EYS: variants seen among roughly 807,000 people sequenced by gnomAD.
The protein encoded by EYS is protein eyes shut homolog.
In EYS, 250 loss-of-function variants were observed where a neutral mutation model predicts 282.1. That is an observed-to-expected ratio of 0.89 (90% CI 0.80 to 0.98). The LOEUF (loss-of-function observed/expected upper bound fraction) is 0.98, where lower values mean the gene tolerates loss of function less well. Ranked by LOEUF, EYS falls within the 50% of genes least tolerant of loss-of-function variation. The probability of loss-of-function intolerance (pLI) is 0.00; values close to 1 mark genes in which losing one functional copy is unlikely to be tolerated. For missense variants in EYS, 4,016 were observed against 3,709.0 expected, an observed-to-expected ratio of 1.08 and a Z score of -2.15; for synonymous variants, 1,355 against 1,282.9, an observed-to-expected ratio of 1.06 and a Z score of -1.20.
intron 33 of EYS, among the ~76,000 whole-genome samples, chr6:64,009,370 G>A (rs1407349246): frequency 3.3e-5 from 5 of 149,648 alleles, no homozygotes; most frequent in Admixed American, 1.3e-4. Flanking sequence ...TGCAAGCTCC[G>A]CCCCCCAGGT....
chr6:64,151,159 A>T (rs1456173243), intron 31 of EYS, among the ~76,000 whole-genome samples: 1 of 151,372 alleles, frequency 6.6e-6, no homozygotes, highest in East Asian at 1.9e-4. Context: ...GGATGGATAC[A>T]TACATTATGG....
chr6:64,829,632 A>G (rs1336409969), intron 19 of EYS, among the ~76,000 whole-genome samples: 3 of 151,996 alleles, frequency 2.0e-5, no homozygotes, highest in Admixed American at 1.3e-4. Context: ...ACACCATCCA[A>G]AAACTACTAG....
chr6:64,128,696 G>T (rs1193640700), intron 31 of EYS, among the ~76,000 whole-genome samples: 2 of 152,082 alleles, frequency 1.3e-5, no homozygotes, highest in African/African-American at 4.8e-5. Flanking sequence ...AGCTCATTCA[G>T]CAATGTTCTA....
intron 12 of EYS, among the ~76,000 whole-genome samples, chr6:65,279,210 C>T (rs75399970): frequency 0.046 from 7,028 of 151,764 alleles, 220 homozygotes; most frequent in South Asian, 0.089. Context: ...ATAATAATAA[C>T]AAATAACAAA....
chr6:64,409,726 T>C (rs1650531715), intron 28 of EYS, among the ~76,000 whole-genome samples: 1 of 152,182 alleles, frequency 6.6e-6, no homozygotes, highest in Non-Finnish European at 1.5e-5. Context: ...AGGTAAGAGA[T>C]ACATGGTTTT....
Position 63,791,517 on chromosome 6 carries a change from G to C in EYS, c.7412-2293C>G, listed in dbSNP as rs561353717. ...GGCGGGAACCTGGGAGGCAGATCTT[G>C]CAGTGAGCCGAGATCGTACCACTGC... On this transcript the variant is annotated intron_variant, in intron 37 of 42. Coordinates refer to ENST00000503581, the MANE Select transcript of EYS (RefSeq NM_001142800.2). 1.4e-3 allele frequency among the ~76,000 whole-genome samples: 209 copies of C among 150,636 alleles called. 1 individual carries two copies. Among genetic ancestry groups the C allele is most frequent in the Non-Finnish European group, 1.9e-3 (131 of 67,782 alleles).
intron 26 of EYS, among the ~76,000 whole-genome samples, chr6:64,525,437 C>T (rs1777885822): frequency 6.6e-6 from 1 of 151,716 alleles, no homozygotes; most frequent in Non-Finnish European, 1.5e-5. Flanking sequence ...AAACCAAATA[C>T]CACATGTTCT....
At chr6:65,403,712 T>C (rs1766606748) in intron 6 of EYS, among the ~76,000 whole-genome samples, 1 of 151,926 alleles carries the variant, frequency 6.6e-6, no homozygotes, top group African/African-American at 2.4e-5. Flanking sequence ...ATAGAGAATA[T>C]AAATAATGAA....
chr6:64,761,205 G>A (rs915890593), intron 22 of EYS, among the ~76,000 whole-genome samples: 3 of 152,148 alleles, frequency 2.0e-5, no homozygotes. Context: ...GTGGAGCAGT[G>A]AGGGATTAAA....
chr6:64,387,096 A>G (rs928292306), intron 29 of EYS, among the ~76,000 whole-genome samples: 1 of 152,118 alleles, frequency 6.6e-6, no homozygotes, highest in African/African-American at 2.4e-5. Context: ...CTCACTTCAT[A>G]TCAAACCCCA....
intron 11 of EYS, chr6:65,329,759 G>A (rs1769728923): frequency 1.0e-6 from 1 of 978,472 alleles, no homozygotes; most frequent in Non-Finnish European, 1.2e-6. Context: ...TTTGGGATCA[G>A]AAATAATTTA....
At chr6:64,111,736 G>A (rs1773212182) in intron 31 of EYS, among the ~76,000 whole-genome samples, 1 of 152,052 alleles carries the variant, frequency 6.6e-6, no homozygotes, top group South Asian at 2.1e-4. Flanking sequence ...ATAGTAATCA[G>A]AAGCCTGGGT....
chr6:65,336,223 A>G (rs1307967722), intron 10 of EYS, among the ~76,000 whole-genome samples: 1 of 151,748 alleles, frequency 6.6e-6, no homozygotes, highest in Non-Finnish European at 1.5e-5. Context: ...TAGCGAACTG[A>G]TATCACAAAT....
chr6:63,806,715 C>T (rs1270850821), intron 36 of EYS: 1 of 162,468 alleles, frequency 6.2e-6, no homozygotes, highest in Non-Finnish European at 1.3e-5. Context: ...ACTCAGGTGC[C>T]TCGTAAACAT....
At chr6:64,025,883 A>C (rs1450157471) in intron 33 of EYS, among the ~76,000 whole-genome samples, 2 of 152,200 alleles carry the variant, frequency 1.3e-5, no homozygotes, top group African/African-American at 4.8e-5. Flanking sequence ...CCCAGTACTA[A>C]CAGGAGAATG....
chr6:64,564,099 T>A (rs563887029), intron 26 of EYS, among the ~76,000 whole-genome samples: 4 of 151,988 alleles, frequency 2.6e-5, no homozygotes, highest in Admixed American at 1.3e-4. Flanking sequence ...TCATTTCTTT[T>A]GGACATATAC....
At chr6:65,387,740 T>C (rs1765855145) in intron 7 of EYS, among the ~76,000 whole-genome samples, 1 of 151,994 alleles carries the variant, frequency 6.6e-6, no homozygotes, top group African/African-American at 2.4e-5. Flanking sequence ...TGAAATACTC[T>C]CATCACTTGT....
chr6:64,210,382 C>T (rs929035055), intron 31 of EYS, among the ~76,000 whole-genome samples: 16 of 152,184 alleles, frequency 1.1e-4, no homozygotes, highest in Non-Finnish European at 1.8e-4. Flanking sequence ...GGCTTCCAGA[C>T]AGCTGCCTTC....
chr6:65,387,311 C>A (rs1040687447), intron 7 of EYS, among the ~76,000 whole-genome samples: 1 of 151,788 alleles, frequency 6.6e-6, no homozygotes, highest in African/African-American at 2.4e-5. Flanking sequence ...AATTCCATCA[C>A]CAGCATTTTG....
Sources: allele counts gnomAD v4.1 joint callset (sites outside exome capture counted in the v4.1 genomes callset), GRCh38; gene constraint gnomAD v4.1.1; transcripts MANE v1.5; gene names NCBI Gene and HGNC (gene_info 2026-07-23, HGNC 2026-07-21).